The following DCC variants were observed in gnomAD, a reference collection of about 807,000 sequenced individuals.
DCC encodes netrin receptor DCC.
DCC carries 58 observed loss-of-function variants against 172.5 expected under a neutral mutation model. That is an observed-to-expected ratio of 0.34 (90% CI 0.27 to 0.42). The LOEUF (loss-of-function observed/expected upper bound fraction) is 0.42. DCC is among the 10% of genes least tolerant of loss of function. DCC has a pLI of 1.00. For missense variants in DCC, 1,740 were observed against 1,791.0 expected (o/e 0.97, Z 0.51); for synonymous variants, 709 against 644.5 (o/e 1.10, Z -1.52).
intron 7 of DCC, among the ~76,000 whole-genome samples, chr18:53,111,436 AAG>A (rs2043330377): frequency 2.0e-5 from 3 of 150,022 alleles, no homozygotes; most frequent in Non-Finnish European, 3.0e-5. Flanking sequence ...AAAAAAAAGA[AAG>A]AAAGATTAAA....
chr18:53,138,534 C>T (rs1181536333), intron 7 of DCC, among the ~76,000 whole-genome samples: 2 of 152,122 alleles, frequency 1.3e-5, no homozygotes, highest in Non-Finnish European at 2.9e-5. Flanking sequence ...GACATAATTG[C>T]CAGGATTGTA....
chr18:52,512,786 G>A (rs2031489455), intron 1 of DCC, among the ~76,000 whole-genome samples: 1 of 152,190 alleles, frequency 6.6e-6, no homozygotes, highest in African/African-American at 2.4e-5. Context: ...TAAAGGGATA[G>A]GGATTGACAG....
At chr18:52,606,611 A>G (rs1183277162) in intron 1 of DCC, among the ~76,000 whole-genome samples, 5 of 152,180 alleles carry the variant, frequency 3.3e-5, no homozygotes, top group Non-Finnish European at 7.4e-5. Context: ...GATTCAATTC[A>G]GGAGATAGTT....
At position 53,045,949 on chromosome 18, in the gene DCC, TGTG is replaced by T. The variant is rs1394884565; in HGVS notation, c.986-17352_986-17350del. On this transcript the variant is annotated intron_variant, in intron 5 of 28. Transcript: ENST00000442544. The stretch of plus-strand genomic sequence containing the variant: ...ACCATTCAAGTTTGTAGATGGCTCA[TGTG>T]GTGAGATTTTATGAATCTAACCTGT... Among the ~76,000 whole-genome samples the T allele has an allele frequency of 3.9e-5, 6 of 151,918 alleles. No homozygotes were observed. The Admixed American group carries it at 3.9e-4, about 10-fold the overall frequency.
At chr18:53,140,319 A>G (rs1189364691) in intron 7 of DCC, among the ~76,000 whole-genome samples, 1 of 152,226 alleles carries the variant, frequency 6.6e-6, no homozygotes, top group Non-Finnish European at 1.5e-5. Context: ...GTCAACTCAG[A>G]TTAATTTGGT....
chr18:53,351,436 ATACAGTG>A (rs2057807811), intron 15 of DCC, among the ~76,000 whole-genome samples: 1 of 71,216 alleles, frequency 1.4e-5, no homozygotes, highest in African/African-American at 6.9e-5. Flanking sequence ...GTATATATAT[ATACAGTG>A]TATATATATA....
intron 9 of DCC, among the ~76,000 whole-genome samples, chr18:53,183,911 G>A (rs1455770643): frequency 1.3e-5 from 2 of 151,402 alleles, no homozygotes; most frequent in East Asian, 1.9e-4. Context: ...AACTATAAAC[G>A]GGAGTATCAT....
chr18:52,490,156 G>A (rs1466512200), intron 1 of DCC, among the ~76,000 whole-genome samples: 3 of 152,180 alleles, frequency 2.0e-5, no homozygotes, highest in South Asian at 4.1e-4. Context: ...GAGGCTAAAA[G>A]CAGCACAAGA....
intron 12 of DCC, among the ~76,000 whole-genome samples, chr18:53,246,422 T>C (rs2056365476): frequency 6.6e-6 from 1 of 151,972 alleles, no homozygotes; most frequent in African/African-American, 2.4e-5. Flanking sequence ...AGAACATCAC[T>C]ACTTGGATCT....
rs191692772 is a variant in DCC at position 53,293,483 on chromosome 18, A to C, written c.1912-12095A>C. Among the ~76,000 whole-genome samples, 313 of 152,190 alleles carry C rather than the reference A, an allele frequency of 2.1e-3. 2 individuals are homozygous for C. Among genetic ancestry groups the C allele is most frequent in the Non-Finnish European group, 2.2e-3 (147 of 67,996 alleles). ...GATTACTAGCGTTTTTTAAATTTTT[A>C]TTTTAGTTTCAGGGGTACATGTACA... On this transcript the variant is annotated intron_variant, in intron 12 of 28. Coordinates refer to ENST00000442544, the MANE Select transcript of DCC (RefSeq NM_005215.4).
rs9947889 is a variant in DCC at position 53,522,835 on chromosome 18, C to T, written c.4112-3782C>T. Among the ~76,000 whole-genome samples the T allele has an allele frequency of 6.3e-4, 96 of 152,210 alleles. 1 individual carries two copies. The highest frequency in any genetic ancestry group is 2.1e-3 in the African/African-American group (89 of 41,532). ...CCCTGGAAGAAAACCTAGGCAATACCATTCAGGACATAGGCATGGGCAAAG... is the reference window on the plus strand; with the variant it reads ...CCCTGGAAGAAAACCTAGGCAATACTATTCAGGACATAGGCATGGGCAAAG... On this transcript the variant is annotated intron_variant, in intron 27 of 28. Transcript: ENST00000442544.
intron 6 of DCC, 58 bp from the exon 7 acceptor site, chr18:53,065,988 T>C: frequency 1.9e-6 from 3 of 1,606,520 alleles, no homozygotes; most frequent in South Asian, 2.2e-5. Flanking sequence ...TAAGTTCATT[T>C]TGTCACCTTG....
chr18:53,055,098 T>TA (rs2042386029), intron 5 of DCC, among the ~76,000 whole-genome samples: 1 of 152,096 alleles, frequency 6.6e-6, no homozygotes, highest in South Asian at 2.1e-4. Context: ...GAACTACACT[T>TA]ATGCCTGGTC....
At chr18:52,752,029 A>G (rs201865152) in intron 1 of DCC, 25 bp from the exon 2 acceptor site, 2 of 1,598,776 alleles carry the variant, frequency 1.3e-6, no homozygotes, top group East Asian at 2.2e-5. Flanking sequence ...ACATGAACAT[A>G]TTTCCCTGTG....
chr18:53,233,456 C>G (rs1199387415), intron 12 of DCC, among the ~76,000 whole-genome samples: 1 of 152,106 alleles, frequency 6.6e-6, no homozygotes, highest in Non-Finnish European at 1.5e-5. Flanking sequence ...CACTTTTTCC[C>G]TAGAATATTT....
intron 1 of DCC, among the ~76,000 whole-genome samples, chr18:52,618,204 T>C (rs1485523840): frequency 6.6e-6 from 1 of 151,806 alleles, no homozygotes; most frequent in Non-Finnish European, 1.5e-5. Flanking sequence ...TCCTTTAGAA[T>C]GGAAAAAAAA....
chr18:52,874,076 C>T (rs11665486), intron 2 of DCC, among the ~76,000 whole-genome samples: 45,885 of 152,076 alleles, frequency 0.3, 8,139 homozygotes, highest in Non-Finnish European at 0.42. Context: ...TAAAAATCCA[C>T]ATTTTGTTTG....
At chr18:53,318,622 C>T (rs1389164100) in intron 13 of DCC, among the ~76,000 whole-genome samples, 1 of 152,102 alleles carries the variant, frequency 6.6e-6, no homozygotes, top group African/African-American at 2.4e-5. Context: ...GTCGAAGTCT[C>T]TTTGTAGGTC....
chr18:52,606,687 A>C (rs912701170), intron 1 of DCC, among the ~76,000 whole-genome samples: 1 of 152,156 alleles, frequency 6.6e-6, no homozygotes, highest in Non-Finnish European at 1.5e-5. Flanking sequence ...TTAATACTTG[A>C]TATCAATCAT....
Sources: allele counts gnomAD v4.1 joint callset (sites outside exome capture counted in the v4.1 genomes callset), GRCh38; gene constraint gnomAD v4.1.1; transcripts MANE v1.5; gene names NCBI Gene and HGNC (gene_info 2026-07-23, HGNC 2026-07-21).